The following CIBAR2 variants were observed in gnomAD, a reference collection of about 807,000 sequenced individuals.
CIBAR2 encodes the protein CBY1 interacting BAR domain containing 2, also known as CBY1-interacting BAR domain-containing protein 2.
CIBAR2 carries 38 observed loss-of-function variants against 36.2 expected under a neutral mutation model. The observed-to-expected ratio is 1.05, with a 90% confidence interval of 0.81 to 1.38. The LOEUF is 1.38. Ranked by LOEUF, CIBAR2 falls within the 40% of genes most tolerant of loss-of-function variation. The pLI, the probability that CIBAR2 is intolerant of heterozygous loss-of-function variation, is 0.00. For synonymous variants in CIBAR2, 182 were observed against 149.5 expected (o/e 1.22, Z -1.58); for missense variants, 481 against 383.4 (o/e 1.25, Z -2.13).
At chr16:85,108,525 C>T (rs1008703177) in intron 2 of CIBAR2, among the ~76,000 whole-genome samples, 3 of 152,226 alleles carry the variant, frequency 2.0e-5, no homozygotes, top group Non-Finnish European at 2.9e-5. Context: ...CGATGACAAA[C>T]CCACTTTGCG....
chr16:85,100,569 C>T (rs1487829177), intron 7 of CIBAR2, among the ~76,000 whole-genome samples: 1 of 113,782 alleles, frequency 8.8e-6, no homozygotes, highest in Non-Finnish European at 1.8e-5. Flanking sequence ...GAGAGCCCCT[C>T]TGACCTGCAT....
chr16:85,101,875 C>T (rs1244557544), intron 7 of CIBAR2, among the ~76,000 whole-genome samples: 3 of 152,044 alleles, frequency 2.0e-5, no homozygotes, highest in African/African-American at 4.8e-5. Flanking sequence ...ACCATGTTGG[C>T]CAGGCTGGCC....
chr16:85,101,202 G>A (rs2073952915), intron 7 of CIBAR2, among the ~76,000 whole-genome samples: 1 of 152,194 alleles, frequency 6.6e-6, no homozygotes, highest in Non-Finnish European at 1.5e-5. Context: ...ACAGTTGCCT[G>A]GGGCTCCACA....
intron 7 of CIBAR2, among the ~76,000 whole-genome samples, chr16:85,101,498 T>C (rs1156517050): frequency 6.6e-6 from 1 of 152,108 alleles, no homozygotes; most frequent in Non-Finnish European, 1.5e-5. Flanking sequence ...GATAACTGAT[T>C]GTTGCTTTAC....
chr16:85,107,542 C>T (rs896421845), intron 5 of CIBAR2, 125 bp downstream of exon 5: 14 of 1,091,638 alleles, frequency 1.3e-5, no homozygotes, highest in African/African-American at 1.1e-4. Context: ...TTGGCTTTCC[C>T]AACCTGAGCG....
At chr16:85,103,729 C>T (rs748259808) in intron 6 of CIBAR2, among the ~76,000 whole-genome samples, 1 of 152,220 alleles carries the variant, frequency 6.6e-6, no homozygotes, top group African/African-American at 2.4e-5. Flanking sequence ...TTCACTCATT[C>T]GTTCATTCCA....
intron 6 of CIBAR2, among the ~76,000 whole-genome samples, chr16:85,103,321 C>A (rs2073970207): frequency 6.6e-6 from 1 of 152,224 alleles, no homozygotes; most frequent in South Asian, 2.1e-4. Flanking sequence ...CAGCCTCCAA[C>A]ACCGTGAGAA....
chr16:85,101,733 G>A (rs369617075), intron 7 of CIBAR2, among the ~76,000 whole-genome samples: 9 of 151,190 alleles, frequency 6.0e-5, no homozygotes, highest in South Asian at 4.2e-4. Flanking sequence ...GCAGTGGCAC[G>A]ATCTCGGCTC....
chr16:85,112,013 G>A (rs1175291549), intron 1 of CIBAR2, among the ~76,000 whole-genome samples: 1 of 152,226 alleles, frequency 6.6e-6, no homozygotes, highest in East Asian at 1.9e-4. Context: ...AGAAGGGGGA[G>A]GCCTGGTTGG....
chr16:85,107,596 TG>T, intron 5 of CIBAR2, 70 bp downstream of exon 5: 1 of 1,544,880 alleles, frequency 6.5e-7, no homozygotes. Context: ...AAAGTCTACC[TG>T]GCCGTTTTGT....
At chr16:85,111,903 G>C (rs187262536) in intron 1 of CIBAR2, among the ~76,000 whole-genome samples, 101 of 152,298 alleles carry the variant, frequency 6.6e-4, no homozygotes, top group African/African-American at 1.8e-3. Context: ...CCTGGAATTC[G>C]AACCTCAGAG....
chr16:85,099,785 G>C (rs934782637), intron 8 of CIBAR2, among the ~76,000 whole-genome samples: 2 of 142,760 alleles, frequency 1.4e-5, no homozygotes, highest in African/African-American at 2.7e-5. Flanking sequence ...CACCACACCC[G>C]GCTAATTTTT....
chr16:85,100,554 T>A (rs972621701), intron 7 of CIBAR2, among the ~76,000 whole-genome samples: 2 of 140,964 alleles, frequency 1.4e-5, no homozygotes, highest in Admixed American at 1.4e-4. Flanking sequence ...AGTGAGTGAA[T>A]GCGAGAGAGC....
chr16:85,099,054 C>A lies in CIBAR2; in HGVS notation c.*131G>T. Reference sequence around the variant, plus strand: ...ACAAGTAGAAGAAGGAAATTCAGAGCTTGAAGACAAGGTCTTTGAATTAAC... The same window carrying A: ...ACAAGTAGAAGAAGGAAATTCAGAGATTGAAGACAAGGTCTTTGAATTAAC... On this transcript the variant is annotated 3_prime_UTR_variant, in exon 9 of 9. Coordinates refer to ENST00000539556, the MANE Select transcript of CIBAR2 (RefSeq NM_198491.3). 1 of 1,107,234 alleles carries A rather than the reference C, an allele frequency of 9.0e-7. No homozygotes were observed. Among genetic ancestry groups the A allele is most frequent in the Non-Finnish European group, 1.2e-6 (1 of 831,654 alleles). 68.6% of individuals were successfully genotyped at this position (1,107,234 alleles called of 1,614,324 possible).
intron 7 of CIBAR2, among the ~76,000 whole-genome samples, chr16:85,100,856 G>A (rs538956852): frequency 6.6e-6 from 1 of 152,120 alleles, no homozygotes; most frequent in Non-Finnish European, 1.5e-5. Context: ...GACCATCCTG[G>A]CTAACACGGT....
chr16:85,110,112 G>T, intron 2 of CIBAR2, 114 bp downstream of exon 2: 1 of 724,462 alleles, frequency 1.4e-6, no homozygotes, highest in Non-Finnish European at 2.3e-6. Flanking sequence ...GATGTCTCTG[G>T]AGACACACCC....
At chr16:85,109,082 G>C (rs1436033829) in intron 2 of CIBAR2, among the ~76,000 whole-genome samples, 1 of 151,904 alleles carries the variant, frequency 6.6e-6, no homozygotes, top group Non-Finnish European at 1.5e-5. Flanking sequence ...GCTTGTCACA[G>C]AGCCGTGAGA....
At chr16:85,110,647 C>G (rs940655004) in intron 1 of CIBAR2, among the ~76,000 whole-genome samples, 187 bp from the exon 2 acceptor site, 1 of 151,442 alleles carries the variant, frequency 6.6e-6, no homozygotes, top group Non-Finnish European at 1.5e-5. Flanking sequence ...GGGGGATCTG[C>G]CTGGGCTGGT....
intron 6 of CIBAR2, among the ~76,000 whole-genome samples, 153 bp downstream of exon 6, chr16:85,105,174 G>T (rs981482446): frequency 1.3e-5 from 2 of 152,212 alleles, no homozygotes; most frequent in Non-Finnish European, 2.9e-5. Context: ...GCCTGTGTGG[G>T]CATAAGCTCA....
Sources: gnomAD v4.1 joint callset for allele counts (sites outside exome capture counted in the v4.1 genomes callset) on GRCh38, gnomAD v4.1.1 for gene constraint, MANE v1.5 for transcripts, NCBI Gene and HGNC (gene_info 2026-07-23, HGNC 2026-07-21) for gene names.